Variants in STX18 observed in about 807,000 individuals in gnomAD.
STX18 encodes the protein syntaxin-18.
A neutral mutation model predicts 50.1 loss-of-function variants in STX18; 40 were observed. That is an observed-to-expected ratio of 0.80 (90% CI 0.62 to 1.04). The LOEUF is 1.04. STX18 is among the 50% of genes least tolerant of loss of function. STX18 has a pLI of 0.00. For synonymous variants in STX18, 158 were observed against 151.8 expected (o/e 1.04, Z -0.30); for missense variants, 410 against 415.8 (o/e 0.99, Z 0.12).
chr4:4,423,900 G>A, intron 8 of STX18: 1 of 386,714 alleles, frequency 2.6e-6, no homozygotes, highest in South Asian at 3.1e-5. Context: ...CGGGGAATGG[G>A]GAGGGCCTGG....
At chr4:4,519,921 GAGCCA>G (rs1730438624) in intron 1 of STX18, among the ~76,000 whole-genome samples, 1 of 152,160 alleles carries the variant, frequency 6.6e-6, no homozygotes, top group African/African-American at 2.4e-5. Flanking sequence ...TAGGATTGGT[GAGCCA>G]AGCCAAAATA....
intron 1 of STX18, among the ~76,000 whole-genome samples, chr4:4,519,482 A>T (rs1290071504): frequency 1.3e-5 from 2 of 152,198 alleles, no homozygotes; most frequent in Non-Finnish European, 1.5e-5. Context: ...ATTTCAGACC[A>T]CTAGGGACCA....
chr4:4,480,349 G>A (rs926234668), intron 1 of STX18, among the ~76,000 whole-genome samples: 3 of 152,016 alleles, frequency 2.0e-5, no homozygotes, highest in Non-Finnish European at 2.9e-5. Context: ...CCCAAGGCCC[G>A]CCAGTGCCCT....
intron 5 of STX18, among the ~76,000 whole-genome samples, chr4:4,449,992 G>A (rs1405063333): frequency 6.6e-6 from 1 of 152,150 alleles, no homozygotes; most frequent in African/African-American, 2.4e-5. Flanking sequence ...TCCAGTTTAA[G>A]AATCAGCCAT....
chr4:4,497,607 T>C (rs539948641), intron 1 of STX18, among the ~76,000 whole-genome samples: 10 of 152,348 alleles, frequency 6.6e-5, no homozygotes, highest in Admixed American at 3.9e-4. Flanking sequence ...TGGTTTTACA[T>C]AGGAGAAAAC....
intron 1 of STX18, chr4:4,477,983 C>G (rs1272761900): frequency 6.6e-6 from 1 of 152,110 alleles, no homozygotes; most frequent in African/African-American, 2.4e-5. Context: ...TAGACATTAC[C>G]TCCTCCTGCC....
chr4:4,542,272 C>T, upstream of STX18: 1 of 265,372 alleles, frequency 3.8e-6, no homozygotes, highest in Non-Finnish European at 7.1e-6. Context: ...CTGTTTGGGG[C>T]GTGTGGGCTC....
intron 1 of STX18, among the ~76,000 whole-genome samples, chr4:4,484,510 T>C (rs984544760): frequency 3.9e-5 from 6 of 152,210 alleles, no homozygotes; most frequent in African/African-American, 9.6e-5. Flanking sequence ...CTGATCATTA[T>C]GCCATTAAAG....
intron 2 of STX18, among the ~76,000 whole-genome samples, chr4:4,464,498 C>T (rs142517103): frequency 9.8e-5 from 15 of 152,296 alleles, no homozygotes; most frequent in African/African-American, 3.4e-4. Flanking sequence ...CACGTGCCAA[C>T]CCCTTTGCAT....
intron 1 of STX18, among the ~76,000 whole-genome samples, chr4:4,520,932 T>A (rs1194894951): frequency 1.3e-5 from 2 of 152,210 alleles, no homozygotes; most frequent in African/African-American, 4.8e-5. Context: ...AAAAAATTCA[T>A]CATCCCAAAA....
At chr4:4,481,576 T>G (rs1435651568) in intron 1 of STX18, 1 of 152,204 alleles carries the variant, frequency 6.6e-6, no homozygotes, top group Non-Finnish European at 1.5e-5. Context: ...ACTGACAAGT[T>G]AAAGTGATTT....
intron 5 of STX18, among the ~76,000 whole-genome samples, chr4:4,454,487 C>T (rs1038734988): frequency 2.0e-5 from 3 of 152,250 alleles, no homozygotes; most frequent in African/African-American, 7.2e-5. Context: ...AGGAGAAATC[C>T]GCATTCCTCT....
intron 7 of STX18, among the ~76,000 whole-genome samples, chr4:4,432,554 G>A (rs1014875609): frequency 6.6e-6 from 1 of 152,304 alleles, no homozygotes; most frequent in African/African-American, 2.4e-5. Context: ...TGCACCTCAT[G>A]GGCCAGCTCA....
At chr4:4,541,735 C>G (rs1401329620) in intron 1 of STX18, 62 bp downstream of exon 1, 3 of 1,545,682 alleles carry the variant, frequency 1.9e-6, no homozygotes, top group Admixed American at 1.8e-5. Flanking sequence ...GTTTGGGGCC[C>G]GGGGTCCCTG....
chr4:4,456,310 T>C (rs1052239468), intron 5 of STX18, among the ~76,000 whole-genome samples: 20 of 152,054 alleles, frequency 1.3e-4, no homozygotes, highest in Admixed American at 5.2e-4. Flanking sequence ...CCCAAACAGT[T>C]ATGTGATGTT....
At chr4:4,488,139 T>A (rs939332033) in intron 1 of STX18, among the ~76,000 whole-genome samples, 1 of 152,176 alleles carries the variant, frequency 6.6e-6, no homozygotes, top group African/African-American at 2.4e-5. Context: ...CTACAGTTTA[T>A]AATCAGCAGC....
chr4:4,439,175 CTACA>C (rs1725960270), intron 5 of STX18, among the ~76,000 whole-genome samples: 1 of 117,270 alleles, frequency 8.5e-6, no homozygotes, highest in African/African-American at 3.3e-5. Flanking sequence ...ATATAACCCC[CTACA>C]TACACACATA....
intron 1 of STX18, among the ~76,000 whole-genome samples, chr4:4,479,823 T>C (rs564387890): frequency 6.6e-6 from 1 of 152,298 alleles, no homozygotes; most frequent in East Asian, 1.9e-4. Flanking sequence ...TATCTGCTCT[T>C]ATACACATAA....
At chr4:4,470,647 G>T (rs949858618) in intron 2 of STX18, among the ~76,000 whole-genome samples, 2 of 152,182 alleles carry the variant, frequency 1.3e-5, no homozygotes, top group African/African-American at 4.8e-5. Flanking sequence ...TTTATAAAGG[G>T]TAGTGAGAGA....
Sources: allele counts gnomAD v4.1 joint callset (sites outside exome capture counted in the v4.1 genomes callset), GRCh38; gene constraint gnomAD v4.1.1; transcripts MANE v1.5; gene names NCBI Gene and HGNC (gene_info 2026-07-23, HGNC 2026-07-21).